PICALM: variants seen among roughly 807,000 people sequenced by gnomAD.
The protein encoded by PICALM is phosphatidylinositol-binding clathrin assembly protein.
A neutral mutation model predicts 80.5 loss-of-function variants in PICALM; 40 were observed. The observed-to-expected ratio is 0.50, with a 90% CI of 0.39 to 0.65. The LOEUF is 0.65. PICALM is among the 30% of genes least tolerant of loss of function. PICALM has a pLI of 0.00. For synonymous variants in PICALM, 288 were observed against 260.3 expected, an observed-to-expected ratio of 1.11 and a Z score of -1.02; for missense variants, 676 against 778.9, an observed-to-expected ratio of 0.87 and a Z score of 1.57.
At chr11:85,971,396 C>T (rs1224260440) in intron 19 of PICALM, among the ~76,000 whole-genome samples, 3 of 151,760 alleles carry the variant, frequency 2.0e-5, no homozygotes, top group Admixed American at 6.6e-5. Flanking sequence ...TTCTGTGAAA[C>T]GGTTATGTGG....
intron 13 of PICALM, among the ~76,000 whole-genome samples, chr11:85,986,166 T>G (rs2135801412): frequency 6.6e-6 from 1 of 152,224 alleles, no homozygotes; most frequent in East Asian, 1.9e-4. Flanking sequence ...TTGCAATAGC[T>G]AATCGGCTAT....
intron 1 of PICALM, among the ~76,000 whole-genome samples, chr11:86,044,823 G>A (rs2096041814): frequency 6.6e-6 from 1 of 152,202 alleles, no homozygotes; most frequent in Non-Finnish European, 1.5e-5. Flanking sequence ...GATCTAGGCT[G>A]TGCACTCCTT....
chr11:86,028,237 G>A (rs896259552), intron 2 of PICALM, among the ~76,000 whole-genome samples: 1 of 152,182 alleles, frequency 6.6e-6, no homozygotes, highest in Non-Finnish European at 1.5e-5. Flanking sequence ...ACTCTGGCAA[G>A]TAATAAGGCT....
intron 3 of PICALM, among the ~76,000 whole-genome samples, chr11:86,024,181 T>A (rs554707086): frequency 2.8e-4 from 43 of 151,088 alleles, no homozygotes; most frequent in Middle Eastern, 3.4e-3. Flanking sequence ...AAAAAAAAAA[T>A]TTTTTTTTCA....
chr11:86,065,776 A>G (rs1395049073), intron 1 of PICALM, among the ~76,000 whole-genome samples: 1 of 152,228 alleles, frequency 6.6e-6, no homozygotes, highest in East Asian at 1.9e-4. Context: ...CCTACAGTAT[A>G]AGCAAAGCAA....
At position 85,993,451 on chromosome 11, in the gene PICALM, T is replaced by G. The variant is rs150506114; in HGVS notation, c.1259-3052A>C. Among the ~76,000 whole-genome samples the G allele has an allele frequency of 4.1e-3, 627 of 152,178 alleles. 4 individuals carry two copies. Among genetic ancestry groups the G allele is most frequent in the African/African-American group, 0.014 (593 of 41,510 alleles). The stretch of plus-strand genomic sequence containing the variant: ...ATTCATTCAAGTTTAATTTTTTCAT[T>G]TTTTTGAGACAGAGGTTCGCTCTGT... On this transcript the variant is annotated intron_variant, in intron 12 of 19. Transcript: ENST00000393346.
intron 13 of PICALM, among the ~76,000 whole-genome samples, chr11:85,985,556 TTC>T (rs2094550131): frequency 1.3e-5 from 2 of 152,202 alleles, no homozygotes; most frequent in Non-Finnish European, 2.9e-5. Context: ...TATATAAATC[TTC>T]TGACTATTCA....
At chr11:86,017,531 T>G (rs959661721) in intron 4 of PICALM, among the ~76,000 whole-genome samples, 9 of 152,242 alleles carry the variant, frequency 5.9e-5, no homozygotes, top group Admixed American at 2.0e-4. Flanking sequence ...TGTTAAGCAC[T>G]ACATACAATA....
At chr11:86,007,892 G>A (rs1182037507) in intron 7 of PICALM, among the ~76,000 whole-genome samples, 5 of 151,116 alleles carry the variant, frequency 3.3e-5, no homozygotes, top group Non-Finnish European at 7.4e-5. Flanking sequence ...TCTTCTATGT[G>A]TAATATGATA....
At chr11:86,002,743 T>C (rs544933833) in intron 9 of PICALM, among the ~76,000 whole-genome samples, 65 of 152,290 alleles carry the variant, frequency 4.3e-4, no homozygotes, top group African/African-American at 1.1e-3. Flanking sequence ...CCTGGCACGG[T>C]GGTTCATGCC....
chr11:86,032,607 C>A (rs892745176), intron 1 of PICALM, among the ~76,000 whole-genome samples: 2 of 152,100 alleles, frequency 1.3e-5, no homozygotes, highest in Non-Finnish European at 2.9e-5. Context: ...GCCTGGGCAA[C>A]AGAGTGAGAC....
chr11:86,016,924 A>T (rs2095489296), intron 4 of PICALM, among the ~76,000 whole-genome samples: 1 of 152,218 alleles, frequency 6.6e-6, no homozygotes, highest in African/African-American at 2.4e-5. Flanking sequence ...ATTTCTATTT[A>T]AAAAGTGTTG....
intron 7 of PICALM, among the ~76,000 whole-genome samples, chr11:86,009,772 G>T (rs1482895119): frequency 7.1e-6 from 1 of 140,842 alleles, no homozygotes; most frequent in East Asian, 2.3e-4. Flanking sequence ...AAGAGGGAAG[G>T]TCAACAAATT....
At chr11:86,014,685 T>A (rs777168787) in intron 5 of PICALM, among the ~76,000 whole-genome samples, 185 bp downstream of exon 5, 8 of 152,090 alleles carry the variant, frequency 5.3e-5, no homozygotes, top group African/African-American at 7.2e-5. Flanking sequence ...ACTAAAGAAA[T>A]AAATCCAAAA....
intron 1 of PICALM, among the ~76,000 whole-genome samples, chr11:86,036,653 T>C (rs2095846969): frequency 6.6e-6 from 1 of 151,934 alleles, no homozygotes; most frequent in Non-Finnish European, 1.5e-5. Context: ...GAGTGAAGAG[T>C]TAATCAAATG....
chr11:85,961,497 C>T (rs2093686957), intron 19 of PICALM, among the ~76,000 whole-genome samples: 1 of 152,188 alleles, frequency 6.6e-6, no homozygotes, highest in Admixed American at 6.5e-5. Context: ...TTCGAATATA[C>T]TGTAAGGCAA....
intron 19 of PICALM, among the ~76,000 whole-genome samples, chr11:85,971,577 A>G (rs1306452834): frequency 6.6e-6 from 1 of 152,080 alleles, no homozygotes; most frequent in African/African-American, 2.4e-5. Context: ...CTCTAAAAAA[A>G]ATACAAAAAT....
rs1226600246 is a variant in PICALM, at chr11:86,068,962, T to C, written c.-182A>G. 4.1e-6 allele frequency: 3 copies of C among 723,644 alleles called. No homozygotes were observed. The highest frequency in any genetic ancestry group is 3.2e-5 in the Admixed American group (1 of 31,346). 44.8% of individuals were successfully genotyped at this position (723,644 alleles called of 1,614,324 possible). A position where few individuals can be genotyped will look rare whatever the true frequency, so the allele number is the denominator to read the frequency against. On this transcript the variant is annotated 5_prime_UTR_variant, in exon 1 of 20. Transcript: ENST00000393346. Reference sequence around the variant, plus strand: ...CCAGTCCAGAGAGAACCGGCTCGTGTCACCCGCGGAGTCGGACAAGATGTC... The same window carrying C: ...CCAGTCCAGAGAGAACCGGCTCGTGCCACCCGCGGAGTCGGACAAGATGTC...
intron 13 of PICALM, among the ~76,000 whole-genome samples, chr11:85,985,525 T>A (rs1040812839): frequency 6.6e-6 from 1 of 152,130 alleles, no homozygotes; most frequent in Admixed American, 6.5e-5. Flanking sequence ...CAAAACACTA[T>A]CAAAATACGA....
Sources: gnomAD v4.1 joint callset for allele counts (sites outside exome capture counted in the v4.1 genomes callset) on GRCh38, gnomAD v4.1.1 for gene constraint, MANE v1.5 for transcripts, NCBI Gene and HGNC (gene_info 2026-07-23, HGNC 2026-07-21) for gene names.